Variants in CLSTN2 observed in about 807,000 individuals in gnomAD.
CLSTN2 encodes the protein calsyntenin-2.
In CLSTN2, 48 loss-of-function variants were observed where a neutral mutation model predicts 101.2. That is an observed-to-expected ratio of 0.47 (90% confidence interval 0.38 to 0.60). The LOEUF (loss-of-function observed/expected upper bound fraction) is 0.60. Ranked by LOEUF, CLSTN2 falls within the 20% of genes least tolerant of loss-of-function variation. CLSTN2 has a pLI of 0.00. For missense variants in CLSTN2, 1,160 were observed against 1,238.2 expected, an observed-to-expected ratio of 0.94 and a Z score of 0.95; for synonymous variants, 481 against 463.6, an observed-to-expected ratio of 1.04 and a Z score of -0.48.
rs922407000 is a variant in CLSTN2, at chr3:140,566,389, C to T, written c.*136C>T. ...CCTTCTCCAGCTTCCTGGAGCCCAC[C>T]CTTTAAGCCTTGGGCACTCCCTGTG... On this transcript the variant is annotated 3_prime_UTR_variant, in exon 17 of 17. Transcript: ENST00000458420. The T allele has an allele frequency of 3.5e-6, 3 of 849,852 alleles. No individual in the cohort carries two copies. The African/African-American group carries it at 5.1e-5, about 14-fold the overall frequency. The allele number at this position is 849,852 out of a possible 1,614,324, so 52.6% of individuals were successfully genotyped here.
chr3:140,402,786 C>T (rs1374620433), intron 2 of CLSTN2, among the ~76,000 whole-genome samples: 3 of 152,192 alleles, frequency 2.0e-5, no homozygotes, highest in Non-Finnish European at 4.4e-5. Context: ...AGTAGAGGCC[C>T]AGACAGTCAA....
intron 1 of CLSTN2, among the ~76,000 whole-genome samples, chr3:139,956,028 C>T (rs1277706326): frequency 6.6e-6 from 1 of 152,194 alleles, no homozygotes; most frequent in Non-Finnish European, 1.5e-5. Flanking sequence ...GAGCCAGCCT[C>T]TTCTGGAGAT....
At chr3:140,384,357 C>T (rs2088027098) in intron 2 of CLSTN2, among the ~76,000 whole-genome samples, 1 of 152,178 alleles carries the variant, frequency 6.6e-6, no homozygotes, top group Non-Finnish European at 1.5e-5. Context: ...TCTTAATTAT[C>T]CTCCCTGGTC....
chr3:140,460,142 T>C (rs1933523617), intron 7 of CLSTN2: 1 of 256,308 alleles, frequency 3.9e-6, no homozygotes, highest in Non-Finnish European at 7.7e-6. Context: ...AAGCTCCACC[T>C]TTACTGTATT....
intron 1 of CLSTN2, among the ~76,000 whole-genome samples, chr3:140,077,276 C>T (rs890627768): frequency 2.6e-5 from 4 of 152,142 alleles, no homozygotes; most frequent in African/African-American, 4.8e-5. Context: ...AGTCATTCTC[C>T]GCCAGTGGCT....
At chr3:140,261,279 T>C (rs2086651841) in intron 2 of CLSTN2, among the ~76,000 whole-genome samples, 1 of 152,184 alleles carries the variant, frequency 6.6e-6, no homozygotes, top group African/African-American at 2.4e-5. Context: ...TTGCCAGTAT[T>C]GATTCATGGA....
At chr3:140,002,753 A>G (rs1437836380) in intron 1 of CLSTN2, among the ~76,000 whole-genome samples, 1 of 152,192 alleles carries the variant, frequency 6.6e-6, no homozygotes, top group African/African-American at 2.4e-5. Context: ...AGCAAGAGAT[A>G]GGAGTCAAGT....
intron 8 of CLSTN2, among the ~76,000 whole-genome samples, chr3:140,515,165 G>C (rs1462915995): frequency 6.6e-6 from 1 of 152,112 alleles, no homozygotes; most frequent in Non-Finnish European, 1.5e-5. Context: ...TGCACATAAA[G>C]GTGTTCAGTA....
At chr3:140,103,707 C>G (rs1245891459) in intron 1 of CLSTN2, among the ~76,000 whole-genome samples, 2 of 152,202 alleles carry the variant, frequency 1.3e-5, no homozygotes. Flanking sequence ...AGTAATACGT[C>G]ATTTCCCCTT....
intron 2 of CLSTN2, among the ~76,000 whole-genome samples, chr3:140,238,419 GAA>G (rs10553314): frequency 0.94 from 142,299 of 152,052 alleles, 67,279 homozygotes; most frequent in East Asian, 1. Flanking sequence ...GCACAGAACA[GAA>G]AAAAAAAATC....
intron 5 of CLSTN2, among the ~76,000 whole-genome samples, chr3:140,428,292 G>T (rs961647392): frequency 2.0e-5 from 3 of 151,826 alleles, no homozygotes; most frequent in Admixed American, 6.6e-5. Context: ...AAGCTGAAAA[G>T]ATTATCTTCC....
intron 2 of CLSTN2, among the ~76,000 whole-genome samples, chr3:140,225,486 T>TTTTTTTTG (rs1559811476): frequency 1.3e-5 from 2 of 150,770 alleles, no homozygotes; most frequent in Non-Finnish European, 1.5e-5. Flanking sequence ...GCACTGACAT[T>TTTTTTTTG]TTTGTTTGTT....
chr3:140,126,063 T>G (rs1439675018), intron 1 of CLSTN2, among the ~76,000 whole-genome samples: 1 of 151,860 alleles, frequency 6.6e-6, no homozygotes, highest in South Asian at 2.1e-4. Flanking sequence ...GCAAGAGAAA[T>G]GTGGGGTTGG....
intron 6 of CLSTN2, chr3:140,454,632 A>G (rs930871007): frequency 2.6e-5 from 4 of 152,248 alleles, no homozygotes; most frequent in Admixed American, 6.5e-5. Flanking sequence ...TGTTAAAATA[A>G]CAAAGGTTTA....
intron 1 of CLSTN2, among the ~76,000 whole-genome samples, chr3:140,073,719 T>G (rs2008435944): frequency 6.6e-6 from 1 of 152,220 alleles, no homozygotes; most frequent in Non-Finnish European, 1.5e-5. Flanking sequence ...AGAGAGCATT[T>G]AAAATCCTTA....
At chr3:140,085,388 A>G (rs1466959676) in intron 1 of CLSTN2, among the ~76,000 whole-genome samples, 2 of 152,160 alleles carry the variant, frequency 1.3e-5, no homozygotes, top group Non-Finnish European at 2.9e-5. Flanking sequence ...CATTACATAT[A>G]CGTAAGCAGG....
intron 1 of CLSTN2, among the ~76,000 whole-genome samples, chr3:140,152,541 C>G (rs998501175): frequency 1.3e-5 from 2 of 152,164 alleles, no homozygotes; most frequent in Admixed American, 6.5e-5. Flanking sequence ...CCTCCAATAC[C>G]TGGCATAGTC....
At chr3:140,445,167 G>A (rs535714277) in intron 5 of CLSTN2, among the ~76,000 whole-genome samples, 22 of 152,252 alleles carry the variant, frequency 1.4e-4, no homozygotes, top group African/African-American at 4.6e-4. Flanking sequence ...TCTCCCTGGC[G>A]GCCAGAGAGG....
chr3:139,992,658 A>G (rs1015675432), intron 1 of CLSTN2, among the ~76,000 whole-genome samples: 6 of 152,230 alleles, frequency 3.9e-5, no homozygotes, highest in African/African-American at 1.4e-4. Context: ...AATACCATTT[A>G]CAAAGTGCAT....
Sources: gnomAD v4.1 joint callset for allele counts (sites outside exome capture counted in the v4.1 genomes callset) on GRCh38, gnomAD v4.1.1 for gene constraint, MANE v1.5 for transcripts, NCBI Gene and HGNC (gene_info 2026-07-23, HGNC 2026-07-21) for gene names.